The following GRID2 variants were observed in gnomAD, a reference collection of about 807,000 sequenced individuals.
The protein encoded by GRID2 is glutamate receptor ionotropic, delta-2.
GRID2 carries 33 observed loss-of-function variants against 114.8 expected under a neutral mutation model. The ratio of observed to expected loss-of-function variants is 0.29; its 90% confidence interval spans 0.22 to 0.38. The LOEUF (loss-of-function observed/expected upper bound fraction) is 0.38, where lower values mean the gene tolerates loss of function less well. Among genes scored for constraint, GRID2 ranks in the 10% least tolerant of loss-of-function variants. The probability of loss-of-function intolerance (pLI) is 1.00; values close to 1 mark genes in which losing one functional copy is unlikely to be tolerated. For synonymous variants in GRID2, 505 were observed against 449.9 expected, an observed-to-expected ratio of 1.12 and a Z score of -1.55; for missense variants, 1,184 against 1,257.7, an observed-to-expected ratio of 0.94 and a Z score of 0.89.
intron 14 of GRID2, among the ~76,000 whole-genome samples, chr4:93,699,440 A>G (rs1031014757): frequency 1.5e-4 from 23 of 152,148 alleles, no homozygotes; most frequent in Non-Finnish European, 3.2e-4. Flanking sequence ...GAAAGGATAC[A>G]GGTGCTGAGC....
At chr4:92,397,900 A>G (rs1355418862) in intron 1 of GRID2, among the ~76,000 whole-genome samples, 2 of 151,952 alleles carry the variant, frequency 1.3e-5, no homozygotes, top group African/African-American at 4.8e-5. Context: ...CCATCACTAT[A>G]CCTACTCCAA....
intron 2 of GRID2, 67 bp from the exon 3 acceptor site, chr4:93,084,928 G>A (rs1024534188): frequency 8.1e-7 from 1 of 1,238,380 alleles, no homozygotes; most frequent in East Asian, 2.3e-5. Flanking sequence ...TCCATCCAGT[G>A]CTTCTCAAAA....
intron 3 of GRID2, among the ~76,000 whole-genome samples, chr4:93,091,767 T>G (rs1216686439): frequency 6.6e-6 from 1 of 152,160 alleles, no homozygotes; most frequent in Non-Finnish European, 1.5e-5. Flanking sequence ...CCTCACAAAG[T>G]GCTCATTATC....
At chr4:93,281,735 T>C (rs922708622) in intron 8 of GRID2, among the ~76,000 whole-genome samples, 2 of 152,030 alleles carry the variant, frequency 1.3e-5, no homozygotes, top group Non-Finnish European at 2.9e-5. Flanking sequence ...TCCTTCTTGC[T>C]TAAAATTCCT....
intron 2 of GRID2, among the ~76,000 whole-genome samples, chr4:92,819,117 T>C (rs1484846269): frequency 6.6e-6 from 1 of 152,084 alleles, no homozygotes; most frequent in Non-Finnish European, 1.5e-5. Flanking sequence ...AGCATGAGCA[T>C]GAGCATGAGC....
chr4:93,377,419 G>A (rs1481939002), intron 8 of GRID2, among the ~76,000 whole-genome samples: 1 of 152,054 alleles, frequency 6.6e-6, no homozygotes, highest in African/African-American at 2.4e-5. Context: ...TGGGTGCACT[G>A]GAGAGCTAGC....
rs1734211405 is a variant in GRID2 at position 93,772,767 on chromosome 4, T to A, written c.*269T>A. The A allele has an allele frequency of 2.4e-6, 1 of 424,800 alleles. No individual in the cohort carries two copies. Among genetic ancestry groups the A allele is most frequent in the East Asian group, 3.8e-5 (1 of 26,616 alleles). The allele number at this position is 424,800 out of a possible 1,614,324, so 26.3% of individuals were successfully genotyped here. A position where few individuals can be genotyped will look rare whatever the true frequency, so the allele number is the denominator to read the frequency against. ...GTAGTGTACTAGGATCCTATTAGTC[T>A]GCTTTTCATATACTGTACATCAAGT... is the stretch of plus-strand genomic sequence containing the variant. On this transcript the variant is annotated 3_prime_UTR_variant, in exon 16 of 16. Transcript: ENST00000282020.
At chr4:92,470,863 G>T (rs556161317) in intron 1 of GRID2, among the ~76,000 whole-genome samples, 133 of 151,922 alleles carry the variant, frequency 8.8e-4, no homozygotes, top group Non-Finnish European at 1.6e-3. Context: ...CCATTTTACA[G>T]ATTTAAAAAT....
At chr4:92,617,214 C>T (rs1178380768) in intron 2 of GRID2, among the ~76,000 whole-genome samples, 1 of 150,802 alleles carries the variant, frequency 6.6e-6, no homozygotes, top group Non-Finnish European at 1.5e-5. Flanking sequence ...ATCCTCAGTT[C>T]TACTTTTGTT....
intron 14 of GRID2, among the ~76,000 whole-genome samples, chr4:93,716,976 G>T (rs1330086856): frequency 2.0e-5 from 3 of 152,056 alleles, no homozygotes; most frequent in Admixed American, 2.0e-4. Context: ...TAAAAAGTAT[G>T]CAGTGAAAAG....
intron 1 of GRID2, among the ~76,000 whole-genome samples, chr4:92,418,518 A>G (rs1021716238): frequency 2.0e-5 from 3 of 152,108 alleles, no homozygotes; most frequent in African/African-American, 7.2e-5. Flanking sequence ...ATAGAAGTAG[A>G]TGAGTGGGCA....
intron 2 of GRID2, among the ~76,000 whole-genome samples, chr4:92,944,651 T>A (rs1751476251): frequency 6.6e-6 from 1 of 152,236 alleles, no homozygotes. Flanking sequence ...TGTGCATTGC[T>A]CACTGGGAGC....
At chr4:93,216,960 A>G (rs753351208) in intron 6 of GRID2, 49 bp downstream of exon 6, 13 of 1,298,368 alleles carry the variant, frequency 1.0e-5, no homozygotes, top group African/African-American at 1.5e-5. Flanking sequence ...TTGTTGGGCA[A>G]TTGCAAGGAG....
intron 2 of GRID2, among the ~76,000 whole-genome samples, chr4:93,008,278 A>G (rs1015659372): frequency 2.0e-5 from 3 of 152,120 alleles, no homozygotes; most frequent in African/African-American, 7.2e-5. Flanking sequence ...AAATTTTACC[A>G]TAAATTTAGG....
At chr4:92,893,831 G>A (rs1329006540) in intron 2 of GRID2, among the ~76,000 whole-genome samples, 1 of 152,078 alleles carries the variant, frequency 6.6e-6, no homozygotes, top group Non-Finnish European at 1.5e-5. Context: ...CAGATAATAT[G>A]TTTCGGGATA....
intron 2 of GRID2, among the ~76,000 whole-genome samples, chr4:93,035,481 G>A (rs1350173237): frequency 6.6e-6 from 1 of 151,974 alleles, no homozygotes; most frequent in Admixed American, 6.6e-5. Flanking sequence ...CATTTAGTAG[G>A]TTACTACAAG....
At chr4:92,799,476 A>T (rs1740050039) in intron 2 of GRID2, among the ~76,000 whole-genome samples, 1 of 152,028 alleles carries the variant, frequency 6.6e-6, no homozygotes, top group African/African-American at 2.4e-5. Context: ...TCCAAGATCA[A>T]GATGTCAGCA....
chr4:93,672,432 G>T (rs61388477), intron 14 of GRID2, among the ~76,000 whole-genome samples: 2 of 152,202 alleles, frequency 1.3e-5, no homozygotes, highest in Non-Finnish European at 2.9e-5. Flanking sequence ...GGAAAGAAAA[G>T]GATATCATGC....
In GRID2 at chr4:92,799,586, A is replaced by C. The variant is rs541687240; in HGVS notation, c.244+209300A>C. ...TTTTCTTCGTGTGCACATCCCTAGC[A>C]TCTCTTTTTTATACATTTCCTCTTC... On this transcript the variant is annotated intron_variant, in intron 2 of 15. Coordinates refer to ENST00000282020, the MANE Select transcript of GRID2 (RefSeq NM_001510.4). Among the ~76,000 whole-genome samples, 231 of 151,996 alleles carry C rather than the reference A, an allele frequency of 1.5e-3. 1 individual carries two copies. The highest frequency in any genetic ancestry group is 5.4e-3 in the African/African-American group (225 of 41,512).
Sources: gnomAD v4.1 joint callset for allele counts (sites outside exome capture counted in the v4.1 genomes callset) on GRCh38, gnomAD v4.1.1 for gene constraint, MANE v1.5 for transcripts, NCBI Gene and HGNC (gene_info 2026-07-23, HGNC 2026-07-21) for gene names.